SPAG16: variants seen among roughly 807,000 people sequenced by gnomAD.
SPAG16 encodes the protein sperm associated antigen 16, also known as sperm-associated antigen 16 protein.
In SPAG16, 86 loss-of-function variants were observed where a neutral mutation model predicts 80.4. The observed-to-expected ratio is 1.07, with a 90% CI of 0.90 to 1.28. The LOEUF (loss-of-function observed/expected upper bound fraction) is 1.28. Among genes scored for constraint, SPAG16 ranks in the 50% most tolerant of loss-of-function variants. The probability of loss-of-function intolerance (pLI) is 0.00; values close to 1 mark genes in which losing one functional copy is unlikely to be tolerated. For missense variants in SPAG16, 870 were observed against 765.3 expected, an observed-to-expected ratio of 1.14 and a Z score of -1.61; for synonymous variants, 294 against 265.9, an observed-to-expected ratio of 1.11 and a Z score of -1.03.
intron 12 of SPAG16, among the ~76,000 whole-genome samples, chr2:214,004,072 A>C (rs2046917406): frequency 6.6e-6 from 1 of 152,320 alleles, no homozygotes; most frequent in South Asian, 2.1e-4. Flanking sequence ...AGGTGACTCA[A>C]ATTTTTCAAG....
intron 12 of SPAG16, among the ~76,000 whole-genome samples, chr2:213,961,584 A>AT (rs1352265550): frequency 1.5e-5 from 2 of 129,268 alleles, no homozygotes; most frequent in African/African-American, 6.4e-5. Context: ...TTCTAACCCT[A>AT]GTTTTTTTTT....
intron 15 of SPAG16, among the ~76,000 whole-genome samples, chr2:214,204,213 T>A (rs1237968087): frequency 1.3e-5 from 2 of 152,160 alleles, no homozygotes; most frequent in African/African-American, 2.4e-5. Flanking sequence ...TGCCTAACCC[T>A]GCCCTCACCT....
chr2:214,393,347 C>T (rs1395956589), intron 15 of SPAG16, among the ~76,000 whole-genome samples: 2 of 152,122 alleles, frequency 1.3e-5, no homozygotes, highest in African/African-American at 4.8e-5. Flanking sequence ...TCCCATCTAT[C>T]ACCAGGTAGG....
At chr2:213,745,507 T>A in intron 10 of SPAG16, among the ~76,000 whole-genome samples, 1 of 152,188 alleles carries the variant, frequency 6.6e-6, no homozygotes, top group East Asian at 1.9e-4. Context: ...CCTCCCAAAG[T>A]GCTGAGAGTA....
chr2:213,312,641 G>A (rs555052621), intron 4 of SPAG16, among the ~76,000 whole-genome samples: 3 of 151,042 alleles, frequency 2.0e-5, no homozygotes, highest in Non-Finnish European at 4.4e-5. Context: ...TGGCCTATTC[G>A]CACCATTTCA....
intron 10 of SPAG16, among the ~76,000 whole-genome samples, chr2:213,618,799 A>G (rs995533567): frequency 6.6e-6 from 1 of 151,290 alleles, no homozygotes; most frequent in Non-Finnish European, 1.5e-5. Context: ...ACCTTAAAAC[A>G]CTCCATGATT....
At chr2:214,042,001 TATATATACAC>T (rs2049050484) in intron 13 of SPAG16, among the ~76,000 whole-genome samples, 1 of 127,338 alleles carries the variant, frequency 7.9e-6, no homozygotes, top group African/African-American at 3.2e-5. Context: ...TATATATATA[TATATATACAC>T]ACACACACAA....
chr2:214,271,529 G>T (rs1692001105), intron 15 of SPAG16, among the ~76,000 whole-genome samples: 1 of 152,198 alleles, frequency 6.6e-6, no homozygotes, highest in African/African-American at 2.4e-5. Flanking sequence ...GGCCACGTGT[G>T]GTGGCTCATG....
intron 15 of SPAG16, among the ~76,000 whole-genome samples, chr2:214,229,528 G>A (rs1051002935): frequency 1.3e-4 from 20 of 151,688 alleles, no homozygotes; most frequent in African/African-American, 4.6e-4. Context: ...ATGTGTGTGT[G>A]TATATATGTA....
chr2:214,334,429 T>A (rs1474216955), intron 15 of SPAG16, among the ~76,000 whole-genome samples: 1 of 152,236 alleles, frequency 6.6e-6, no homozygotes, highest in Non-Finnish European at 1.5e-5. Flanking sequence ...CCATCTGAAT[T>A]CTTTGGATCC....
intron 10 of SPAG16, among the ~76,000 whole-genome samples, chr2:213,654,680 G>GCA (rs1218554614): frequency 2.0e-5 from 3 of 150,580 alleles, no homozygotes; most frequent in Admixed American, 1.3e-4. Context: ...TTGCGCCACT[G>GCA]CACTCCACCC....
intron 10 of SPAG16, among the ~76,000 whole-genome samples, chr2:213,683,216 G>A (rs1311947182): frequency 1.3e-5 from 2 of 152,156 alleles, no homozygotes; most frequent in Non-Finnish European, 2.9e-5. Flanking sequence ...TAAAATGCCA[G>A]TTTGCCTTAA....
intron 10 of SPAG16, among the ~76,000 whole-genome samples, chr2:213,694,307 T>C (rs1408955696): frequency 6.6e-6 from 1 of 152,240 alleles, no homozygotes; most frequent in Non-Finnish European, 1.5e-5. Context: ...CTGTATCACC[T>C]GCTTCTCATT....
rs192584433 is a variant in SPAG16, at chr2:213,586,818, A to G, written c.1070+96728A>G. On this transcript the variant is annotated intron_variant, in intron 10 of 15. Transcript: ENST00000331683. ...TTCTAGAAGGGAGAAACATTGAAGAAGAACTGGGGCAATAGGATCCAAGTA... is the reference window on the plus strand; with the variant it reads ...TTCTAGAAGGGAGAAACATTGAAGAGGAACTGGGGCAATAGGATCCAAGTA... 1.4e-3 allele frequency among the ~76,000 whole-genome samples: 210 copies of G among 152,370 alleles called. 1 individual carries two copies. The highest frequency in any genetic ancestry group is 2.0e-3 in the Non-Finnish European group (137 of 68,042).
intron 10 of SPAG16, among the ~76,000 whole-genome samples, chr2:213,521,255 A>T (rs1336792750): frequency 1.3e-5 from 2 of 152,338 alleles, no homozygotes; most frequent in Non-Finnish European, 2.9e-5. Context: ...TACTGGAACC[A>T]TGCTGATTTG....
At chr2:213,712,534 A>G (rs752623355) in intron 10 of SPAG16, among the ~76,000 whole-genome samples, 15 of 152,316 alleles carry the variant, frequency 9.8e-5, no homozygotes, top group Non-Finnish European at 1.9e-4. Flanking sequence ...TTCTGGCAGT[A>G]TCACACCCTC....
At chr2:213,913,571 A>G (rs2077785191) in intron 11 of SPAG16, among the ~76,000 whole-genome samples, 2 of 111,906 alleles carry the variant, frequency 1.8e-5, no homozygotes, top group African/African-American at 6.1e-5. Context: ...CTGTGTGTGT[A>G]TATATATGTA....
intron 1 of SPAG16, 116 bp downstream of exon 1, chr2:213,284,735 C>A: frequency 7.3e-7 from 1 of 1,377,766 alleles, no homozygotes; most frequent in Non-Finnish European, 9.6e-7. Context: ...CCGGAGGAGC[C>A]TCTGTTGGAC....
At chr2:214,364,280 C>A (rs1397995703) in intron 15 of SPAG16, among the ~76,000 whole-genome samples, 1 of 151,982 alleles carries the variant, frequency 6.6e-6, no homozygotes, top group Non-Finnish European at 1.5e-5. Flanking sequence ...TCATTACCAC[C>A]TTTTGATGTT....
Sources: allele counts gnomAD v4.1 joint callset (sites outside exome capture counted in the v4.1 genomes callset), GRCh38; gene constraint gnomAD v4.1.1; transcripts MANE v1.5; gene names NCBI Gene and HGNC (gene_info 2026-07-23, HGNC 2026-07-21).